Variants in CHST11 observed in about 807,000 individuals in gnomAD.
The protein encoded by CHST11 is C4S-1.
In CHST11, 9 loss-of-function variants were observed where a neutral mutation model predicts 30.4. The ratio of observed to expected loss-of-function variants is 0.30; its 90% CI spans 0.18 to 0.52. CHST11 has a LOEUF of 0.52. Among genes scored for constraint, CHST11 ranks in the 20% least tolerant of loss-of-function variants. The pLI, the probability that CHST11 is intolerant of heterozygous loss-of-function variation, is 0.97. For synonymous variants in CHST11, 152 were observed against 187.8 expected (o/e 0.81, Z 1.56); for missense variants, 348 against 460.6 (o/e 0.76, Z 2.24).
At chr12:104,503,980 G>C (rs1339169037) in intron 1 of CHST11, among the ~76,000 whole-genome samples, 13 of 152,210 alleles carry the variant, frequency 8.5e-5, no homozygotes, top group Admixed American at 7.2e-4. Context: ...GGCTCAGAAA[G>C]CTGGTGAAAT....
intron 2 of CHST11, among the ~76,000 whole-genome samples, chr12:104,741,996 T>C (rs1454502402): frequency 6.6e-6 from 1 of 152,010 alleles, no homozygotes; most frequent in Non-Finnish European, 1.5e-5. Context: ...ACATTCCTGC[T>C]ATCCTGCCCC....
Position 104,551,766 on chromosome 12 carries a change from C to A in CHST11, c.119-50140C>A, listed in dbSNP as rs186220480. ...TTGAATCTAAAGCTTCATGTGAGGC[C>A]GTACGGAAGTGGTGCGAGGTGGAAG... is the stretch of plus-strand genomic sequence containing the variant. On this transcript the variant is annotated intron_variant, in intron 1 of 2. Transcript: ENST00000303694. Among the ~76,000 whole-genome samples, 252 of 152,106 alleles carry A rather than the reference C, an allele frequency of 1.7e-3. 1 individual carries two copies. Among genetic ancestry groups the A allele is most frequent in the Admixed American group, 2.7e-3 (41 of 15,282 alleles).
intron 1 of CHST11, among the ~76,000 whole-genome samples, chr12:104,505,762 A>G (rs1179017111): frequency 2.0e-5 from 3 of 152,244 alleles, no homozygotes; most frequent in Non-Finnish European, 4.4e-5. Context: ...CAGCAAATGT[A>G]GCCGTTCCTT....
chr12:104,627,327 G>T (rs1026734744), intron 2 of CHST11, among the ~76,000 whole-genome samples: 1 of 152,184 alleles, frequency 6.6e-6, no homozygotes, highest in Admixed American at 6.5e-5. Flanking sequence ...TTGTGTGGAT[G>T]TAAGTTTTCA....
chr12:104,570,752 G>A (rs1167580109), intron 1 of CHST11, among the ~76,000 whole-genome samples: 7 of 150,160 alleles, frequency 4.7e-5, no homozygotes, highest in African/African-American at 9.8e-5. Flanking sequence ...GTGCAGTGGC[G>A]TGATCTCTGC....
intron 1 of CHST11, among the ~76,000 whole-genome samples, chr12:104,528,976 A>G (rs1312052989): frequency 2.0e-5 from 3 of 152,238 alleles, no homozygotes; most frequent in Non-Finnish European, 2.9e-5. Context: ...CTGGGCAAGT[A>G]GGACCTCAGT....
intron 2 of CHST11, among the ~76,000 whole-genome samples, chr12:104,708,859 G>A (rs1385122941): frequency 1.3e-5 from 2 of 152,168 alleles, no homozygotes; most frequent in Admixed American, 6.5e-5. Context: ...GGGGCCCCTC[G>A]GGTGCCCCAG....
At chr12:104,553,724 G>A (rs960038550) in intron 1 of CHST11, among the ~76,000 whole-genome samples, 8 of 152,128 alleles carry the variant, frequency 5.3e-5, no homozygotes, top group African/African-American at 1.2e-4. Context: ...TGTTAGGTTC[G>A]TCCCCCAGCA....
At chr12:104,638,905 C>G (rs1166859131) in intron 2 of CHST11, among the ~76,000 whole-genome samples, 1 of 152,172 alleles carries the variant, frequency 6.6e-6, no homozygotes, top group East Asian at 1.9e-4. Flanking sequence ...TGAACAAATC[C>G]CAAATACCAG....
chr12:104,672,744 T>C (rs974775040), intron 2 of CHST11, among the ~76,000 whole-genome samples: 2 of 152,230 alleles, frequency 1.3e-5, no homozygotes, highest in East Asian at 3.8e-4. Context: ...TGATTCTGAC[T>C]GTGACTCTCC....
intron 1 of CHST11, among the ~76,000 whole-genome samples, chr12:104,468,982 A>G (rs900854078): frequency 6.6e-6 from 1 of 152,216 alleles, no homozygotes; most frequent in Non-Finnish European, 1.5e-5. Flanking sequence ...AAATTTTAAG[A>G]AAAGAAAAAA....
chr12:104,502,664 C>T (rs184228697), intron 1 of CHST11, among the ~76,000 whole-genome samples: 1 of 152,314 alleles, frequency 6.6e-6, no homozygotes, highest in Admixed American at 6.5e-5. Flanking sequence ...TTCCAAGGAG[C>T]TCATGGTGCA....
chr12:104,563,035 TGTTG>T (rs1374995906), intron 1 of CHST11, among the ~76,000 whole-genome samples: 1 of 152,046 alleles, frequency 6.6e-6, no homozygotes, highest in Non-Finnish European at 1.5e-5. Context: ...TTTTTGTTGT[TGTTG>T]TTTGTTTGTT....
chr12:104,563,063 T>G (rs61940022), intron 1 of CHST11, among the ~76,000 whole-genome samples: 10,570 of 152,180 alleles, frequency 0.069, 432 homozygotes, highest in South Asian at 0.12. Flanking sequence ...TTGTTTTAGA[T>G]GTAGTCTTGC....
rs567373126 is a variant in CHST11, at chr12:104,633,964, G to A, written c.204+31973G>A. Among the ~76,000 whole-genome samples, 194 of 152,134 alleles carry A rather than the reference G, an allele frequency of 1.3e-3. 2 individuals are homozygous for A. The highest frequency in any genetic ancestry group is 2.2e-3 in the Non-Finnish European group (147 of 67,996). ...ACCCTGGTGCCCCCAGCTAGCTTAG[G>A]TCCTCTCCTATTCCCTTCCCTTGAC... is the stretch of plus-strand genomic sequence containing the variant. On this transcript the variant is annotated intron_variant, in intron 2 of 2. Transcript: ENST00000303694.
chr12:104,622,636 A>G (rs894884049), intron 2 of CHST11, among the ~76,000 whole-genome samples: 1 of 152,164 alleles, frequency 6.6e-6, no homozygotes, highest in African/African-American at 2.4e-5. Flanking sequence ...GAGGGCAAAG[A>G]GCATGCCGGT....
chr12:104,512,042 AT>A (rs1184788200), intron 1 of CHST11, among the ~76,000 whole-genome samples: 1 of 152,100 alleles, frequency 6.6e-6, no homozygotes, highest in Non-Finnish European at 1.5e-5. Context: ...GTTCCACTGT[AT>A]TTTTTTATTT....
intron 2 of CHST11, among the ~76,000 whole-genome samples, chr12:104,734,450 C>T (rs2040282698): frequency 6.6e-6 from 1 of 152,146 alleles, no homozygotes; most frequent in Admixed American, 6.5e-5. Context: ...AACTGGGGCT[C>T]AGAGAGGTCA....
chr12:104,656,118 C>A (rs76890463), intron 2 of CHST11, among the ~76,000 whole-genome samples: 9 of 152,184 alleles, frequency 5.9e-5, no homozygotes, highest in Non-Finnish European at 1.5e-5. Flanking sequence ...CAATTCTTTG[C>A]GTAGAACTAT....
Sources: allele counts gnomAD v4.1 joint callset (sites outside exome capture counted in the v4.1 genomes callset), GRCh38; gene constraint gnomAD v4.1.1; transcripts MANE v1.5; gene names NCBI Gene and HGNC (gene_info 2026-07-23, HGNC 2026-07-21).